The following FBXL13 variants were observed in gnomAD, a reference collection of about 807,000 sequenced individuals.
The protein encoded by FBXL13 is F-box and leucine-rich repeat protein 13.
Under a neutral mutation model 83.6 loss-of-function variants are expected in FBXL13, and 67 were observed. The ratio of observed to expected loss-of-function variants is 0.80; its 90% CI spans 0.66 to 0.98. FBXL13 has a LOEUF of 0.98. FBXL13 is among the 50% of genes least tolerant of loss of function. The pLI is 0.00. For synonymous variants in FBXL13, 272 were observed against 299.5 expected, an observed-to-expected ratio of 0.91 and a Z score of 0.95; for missense variants, 822 against 866.5, an observed-to-expected ratio of 0.95 and a Z score of 0.64.
chr7:102,831,744 G>T (rs554943404), intron 18 of FBXL13, among the ~76,000 whole-genome samples: 77 of 152,092 alleles, frequency 5.1e-4, no homozygotes, highest in Non-Finnish European at 6.9e-4. Flanking sequence ...AGCAGTCTCT[G>T]GTCTGCTAAA....
intron 8 of FBXL13, among the ~76,000 whole-genome samples, chr7:102,958,917 G>A (rs371726285): frequency 6.6e-5 from 10 of 151,806 alleles, no homozygotes; most frequent in East Asian, 3.9e-4. Flanking sequence ...ATTAAAAGAC[G>A]TATTAATATT....
chr7:102,851,574 T>C (rs1805266648), intron 17 of FBXL13, among the ~76,000 whole-genome samples: 1 of 150,242 alleles, frequency 6.7e-6, no homozygotes. Context: ...TCTCTCTCTT[T>C]CTCTTTCTTT....
At chr7:102,903,609 G>A (rs891425888) in intron 11 of FBXL13, among the ~76,000 whole-genome samples, 2 of 151,816 alleles carry the variant, frequency 1.3e-5, no homozygotes, top group African/African-American at 2.4e-5. Flanking sequence ...AGTTTTTTGA[G>A]GGTTTTTCTT....
At chr7:103,016,611 C>A (rs888297180) in intron 6 of FBXL13, among the ~76,000 whole-genome samples, 1 of 152,034 alleles carries the variant, frequency 6.6e-6, no homozygotes, top group Non-Finnish European at 1.5e-5. Flanking sequence ...CCTGGAAAAT[C>A]GGGTCACTCC....
At chr7:103,025,181 A>G (rs1793764381) in exon 6 of FBXL13, 1 of 1,596,934 alleles carries the variant, frequency 6.3e-7, no homozygotes, top group African/African-American at 1.3e-5. Flanking sequence ...AGCTCTTTTG[A>G]GTATTAACCT....
In FBXL13 at chr7:102,977,193, G is replaced by A. The variant is rs139233248; in HGVS notation, c.496-9076C>T. 2.8e-3 allele frequency among the ~76,000 whole-genome samples: 427 copies of A among 152,214 alleles called. 9 individuals carry two copies. Among genetic ancestry groups the A allele is most frequent in the Admixed American group, 0.025 (388 of 15,286 alleles). ...GCGGAGGATGGTTCATGGGGTTATC[G>A]CACTCCCATATATATGCTAAATAGA... is the stretch of plus-strand genomic sequence containing the variant. On this transcript the variant is annotated intron_variant, in intron 6 of 19. Transcript: ENST00000313221.
chr7:102,997,009 G>C (rs1789870705), intron 6 of FBXL13, among the ~76,000 whole-genome samples: 1 of 152,074 alleles, frequency 6.6e-6, no homozygotes, highest in Admixed American at 6.5e-5. Context: ...AGAATTACTA[G>C]ACCGAGAGAT....
intron 17 of FBXL13, among the ~76,000 whole-genome samples, chr7:102,850,593 CTTAAG>C (rs923476817): frequency 2.6e-5 from 4 of 152,130 alleles, no homozygotes; most frequent in African/African-American, 9.7e-5. Context: ...ATGTTTAACC[CTTAAG>C]TTAATTGCAG....
At chr7:102,923,597 C>T (rs867942541) in intron 10 of FBXL13, among the ~76,000 whole-genome samples, 95 of 149,500 alleles carry the variant, frequency 6.4e-4, no homozygotes, top group Middle Eastern at 7.8e-3. Flanking sequence ...CTGAGGCAGG[C>T]GGATCACGAG....
chr7:102,968,204 C>T (rs1763378723), intron 6 of FBXL13, 87 bp from the exon 8 acceptor site: 1 of 802,674 alleles, frequency 1.2e-6, no homozygotes, highest in Non-Finnish European at 2.1e-6. Flanking sequence ...TGTGTGCACA[C>T]ATGTGCGTGC....
intron 16 of FBXL13, among the ~76,000 whole-genome samples, chr7:102,858,759 T>A (rs1007747811): frequency 6.6e-6 from 1 of 152,206 alleles, no homozygotes; most frequent in Non-Finnish European, 1.5e-5. Context: ...ATTGTTTGAT[T>A]CCATTTGTAT....
At chr7:102,980,531 A>G (rs1366539493) in intron 6 of FBXL13, among the ~76,000 whole-genome samples, 1 of 152,324 alleles carries the variant, frequency 6.6e-6, no homozygotes, top group Admixed American at 6.5e-5. Flanking sequence ...TAATCCCAGC[A>G]CTTTGCGAGG....
intron 9 of FBXL13, among the ~76,000 whole-genome samples, chr7:102,928,391 T>C (rs1818529729): frequency 6.6e-6 from 1 of 152,248 alleles, no homozygotes; most frequent in Non-Finnish European, 1.5e-5. Flanking sequence ...GAATGTAATA[T>C]ATTTCATAGG....
At chr7:102,973,379 C>A in intron 6 of FBXL13, 1 of 681,448 alleles carries the variant, frequency 1.5e-6, no homozygotes, top group Non-Finnish European at 2.7e-6. Flanking sequence ...AAGACACGTA[C>A]CCCTGAAGAT....
At chr7:102,923,529 T>C (rs1014183657) in intron 10 of FBXL13, among the ~76,000 whole-genome samples, 1 of 152,148 alleles carries the variant, frequency 6.6e-6, no homozygotes, top group Non-Finnish European at 1.5e-5. Context: ...CTTGCCTGTA[T>C]AAGAATTTTA....
chr7:103,014,257 A>C (rs969715615), intron 6 of FBXL13, among the ~76,000 whole-genome samples: 1 of 152,112 alleles, frequency 6.6e-6, no homozygotes, highest in African/African-American at 2.4e-5. Context: ...TTGGAGGCTG[A>C]GGTGGGAGGA....
At chr7:103,066,472 A>T (rs1798400536) in intron 1 of FBXL13, among the ~76,000 whole-genome samples, 1 of 151,964 alleles carries the variant, frequency 6.6e-6, no homozygotes, top group African/African-American at 2.4e-5. Context: ...GCTCACTGCA[A>T]GCTCTGCCTC....
chr7:102,879,870 C>T (rs572230561), intron 14 of FBXL13, among the ~76,000 whole-genome samples: 3 of 152,136 alleles, frequency 2.0e-5, no homozygotes, highest in Non-Finnish European at 4.4e-5. Context: ...CCATGCCTGG[C>T]TAATTCTGTG....
intron 2 of FBXL13, chr7:103,055,125 G>C (rs1190287230): frequency 9.3e-6 from 12 of 1,288,982 alleles, no homozygotes; most frequent in African/African-American, 1.5e-5. Flanking sequence ...TTCCAGGTAA[G>C]TTTCAGACAA....
Sources: allele counts gnomAD v4.1 joint callset (sites outside exome capture counted in the v4.1 genomes callset), GRCh38; gene constraint gnomAD v4.1.1; transcripts MANE v1.5; gene names NCBI Gene and HGNC (gene_info 2026-07-23, HGNC 2026-07-21).